CFAP54: variants seen among roughly 807,000 people sequenced by gnomAD.
CFAP54 encodes cilia and flagella associated protein 54, also known as cilia- and flagella-associated protein 54.
In CFAP54, 290 loss-of-function variants were observed where a neutral mutation model predicts 370.4. The ratio of observed to expected loss-of-function variants is 0.78; its 90% CI spans 0.71 to 0.86. CFAP54 has a LOEUF of 0.86. Among genes scored for constraint, CFAP54 ranks in the 40% least tolerant of loss-of-function variants. The probability of loss-of-function intolerance (pLI) is 0.00; values close to 1 mark genes in which losing one functional copy is unlikely to be tolerated. For missense variants in CFAP54, 3,399 were observed against 3,528.7 expected, an observed-to-expected ratio of 0.96 and a Z score of 0.93; for synonymous variants, 1,206 against 1,236.5, an observed-to-expected ratio of 0.98 and a Z score of 0.52.
chr12:96,636,485 A>G (rs1272549243), intron 32 of CFAP54, among the ~76,000 whole-genome samples: 2 of 152,114 alleles, frequency 1.3e-5, no homozygotes, highest in Non-Finnish European at 2.9e-5. Flanking sequence ...TTTCATTCCT[A>G]AATTCATTAA....
At chr12:96,735,256 C>T (rs1957965810) in intron 50 of CFAP54, among the ~76,000 whole-genome samples, 1 of 151,974 alleles carries the variant, frequency 6.6e-6, no homozygotes, top group African/African-American at 2.4e-5. Flanking sequence ...AACTTTTTTT[C>T]AAATGTAACC....
At chr12:96,505,435 AT>A (rs1955088813) in intron 3 of CFAP54, among the ~76,000 whole-genome samples, 1 of 151,368 alleles carries the variant, frequency 6.6e-6, no homozygotes. Flanking sequence ...TAAAGTCCAA[AT>A]TCCTTGGAAT....
At chr12:96,712,894 A>T (rs1296956385) in intron 48 of CFAP54, among the ~76,000 whole-genome samples, 2 of 152,182 alleles carry the variant, frequency 1.3e-5, no homozygotes. Flanking sequence ...ATAGATATTT[A>T]TCAAAAGAAG....
intron 26 of CFAP54, among the ~76,000 whole-genome samples, chr12:96,602,275 T>A (rs1312056055): frequency 6.6e-6 from 1 of 152,184 alleles, no homozygotes; most frequent in Non-Finnish European, 1.5e-5. Flanking sequence ...TTTGAGTGAG[T>A]TTCTTAATCC....
At chr12:96,727,708 G>A (rs543459479) in intron 50 of CFAP54, among the ~76,000 whole-genome samples, 244 of 151,580 alleles carry the variant, frequency 1.6e-3, no homozygotes, top group African/African-American at 5.7e-3. Context: ...TGTGAATTTG[G>A]TCCTGTCATT....
intron 5 of CFAP54, among the ~76,000 whole-genome samples, chr12:96,514,115 C>T (rs2136360722): frequency 6.6e-6 from 1 of 152,306 alleles, no homozygotes; most frequent in East Asian, 1.9e-4. Flanking sequence ...GGCGAATATA[C>T]TCCCGTTGAG....
chr12:96,778,971 G>A (rs1958553260), intron 60 of CFAP54, among the ~76,000 whole-genome samples: 1 of 151,992 alleles, frequency 6.6e-6, no homozygotes, highest in Admixed American at 6.6e-5. Flanking sequence ...AGCCAGGCGT[G>A]GGGGCAGGCA....
At chr12:96,653,353 A>G (rs1956883738) in intron 36 of CFAP54, among the ~76,000 whole-genome samples, 1 of 152,220 alleles carries the variant, frequency 6.6e-6, no homozygotes, top group African/African-American at 2.4e-5. Flanking sequence ...TGATGTGTTC[A>G]CTGAGATGGG....
chr12:96,799,734 A>C (rs1958802872), intron 63 of CFAP54, among the ~76,000 whole-genome samples: 1 of 152,214 alleles, frequency 6.6e-6, no homozygotes, highest in Non-Finnish European at 1.5e-5. Flanking sequence ...TATACATTTA[A>C]AAATAATGAA....
chr12:96,570,816 CA>C (rs1955910342), intron 19 of CFAP54, among the ~76,000 whole-genome samples: 1 of 152,184 alleles, frequency 6.6e-6, no homozygotes, highest in African/African-American at 2.4e-5. Flanking sequence ...TCACTTTAAG[CA>C]CTCTGAGACA....
chr12:96,831,317 A>C (rs1211341977), intron 66 of CFAP54, among the ~76,000 whole-genome samples: 1 of 152,214 alleles, frequency 6.6e-6, no homozygotes, highest in Non-Finnish European at 1.5e-5. Flanking sequence ...GTTGAGTGCT[A>C]TGCAGGAAGA....
At position 96,753,726 on chromosome 12, in the gene CFAP54, A is replaced by G; in HGVS notation, c.7685-17A>G. Reference sequence around the variant, plus strand: ...TGTATTTTTTTGTTCTTCCCCACCGAACTGTTTTTCTTTTAGGACATACAG... The same window carrying G: ...TGTATTTTTTTGTTCTTCCCCACCGGACTGTTTTTCTTTTAGGACATACAG... On this transcript the variant is annotated splice_polypyrimidine_tract_variant and intron_variant, in intron 55 of 67. Coordinates refer to ENST00000524981, the MANE Select transcript of CFAP54 (RefSeq NM_001306084.2). The G allele has an allele frequency of 1.2e-6, 2 of 1,609,544 alleles. No individual in the cohort carries two copies. The highest frequency in any genetic ancestry group is 2.2e-5 in the South Asian group (2 of 90,386).
At chr12:96,825,294 A>AAT (rs1565992431) in intron 65 of CFAP54, among the ~76,000 whole-genome samples, 21 of 129,000 alleles carry the variant, frequency 1.6e-4, no homozygotes, top group African/African-American at 5.3e-4. Flanking sequence ...TATATAATAT[A>AAT]ATATATTATA....
Position 96,580,650 on chromosome 12 carries a change from A to G in CFAP54, c.2850A>G (p.Val950=). 1.3e-6 allele frequency: 2 copies of G among 1,528,330 alleles called. No individual in the cohort carries two copies. Among genetic ancestry groups the G allele is most frequent in the Non-Finnish European group, 8.8e-7 (1 of 1,142,840 alleles). The allele number at this position is 1,528,330 out of a possible 1,614,324, so 94.7% of individuals were successfully genotyped here. The change falls in exon 21 of 68, where the codon GTA becomes GTG. Residue 950 remains valine, a synonymous_variant. Transcript: ENST00000524981. ...AAGCAGAAGGAAGTTATGGAAAAGT[A>G]CGGCTAAACAATAATCATCTCCCAA... ...GCKAEGSYGK[V]RLNNNHLPNS... is the part of the protein sequence containing the mutation.
At position 96,657,932 on chromosome 12, in the gene CFAP54, T is replaced by A; in HGVS notation, c.5151T>A (p.Ile1717=). 6.2e-7 allele frequency: 1 copy of A among 1,613,872 alleles called. No individual in the cohort carries two copies. The highest frequency in any genetic ancestry group is 8.5e-7 in the Non-Finnish European group (1 of 1,179,890). Residue 1717 remains isoleucine, a synonymous_variant, in exon 37 of 68, where the codon ATT becomes ATA. Transcript: ENST00000524981. ...EFSVPSCYGN[I]KNDNGGSSLT... is the part of the protein sequence containing the mutation. ...GTGTTCCAAGCTGTTATGGGAATATTAAAAATGACAACGGTGGTTCTAGTC... is the reference window on the plus strand; with the variant it reads ...GTGTTCCAAGCTGTTATGGGAATATAAAAAATGACAACGGTGGTTCTAGTC...
At chr12:96,770,512 G>A (rs968600628) in intron 60 of CFAP54, among the ~76,000 whole-genome samples, 2 of 152,214 alleles carry the variant, frequency 1.3e-5, no homozygotes, top group East Asian at 3.8e-4. Flanking sequence ...AACATTCTTA[G>A]AAGAGCACAG....
At chr12:96,872,297 A>G (rs1210065677) in intron 67 of CFAP54, among the ~76,000 whole-genome samples, 1 of 151,132 alleles carries the variant, frequency 6.6e-6, no homozygotes, top group African/African-American at 2.5e-5. Flanking sequence ...GTGCTGAAAG[A>G]AAAAAAAAGT....
intron 2 of CFAP54, chr12:96,501,226 G>C (rs1305459823): frequency 4.2e-6 from 1 of 238,570 alleles, no homozygotes; most frequent in Admixed American, 5.3e-5. Flanking sequence ...GCACACAACA[G>C]GAAATGCTGA....
chr12:96,696,673 T>C (rs1957442492), intron 45 of CFAP54, among the ~76,000 whole-genome samples: 1 of 152,096 alleles, frequency 6.6e-6, no homozygotes, highest in South Asian at 2.1e-4. Context: ...AATGACATGA[T>C]CATATCTGGT....
Sources: gnomAD v4.1 joint callset for allele counts (sites outside exome capture counted in the v4.1 genomes callset) on GRCh38, gnomAD v4.1.1 for gene constraint, MANE v1.5 for transcripts, NCBI Gene and HGNC (gene_info 2026-07-23, HGNC 2026-07-21) for gene names.